The following WASHC2A variants were observed in gnomAD, a reference collection of about 807,000 sequenced individuals.
The protein encoded by WASHC2A is WASH complex subunit 2A.
WASHC2A carries 82 observed loss-of-function variants against 140.3 expected under a neutral mutation model. The ratio of observed to expected loss-of-function variants is 0.58; its 90% CI spans 0.49 to 0.70. WASHC2A has a LOEUF of 0.70. WASHC2A is among the 30% of genes least tolerant of loss of function. The pLI, the probability that WASHC2A is intolerant of heterozygous loss-of-function variation, is 0.00. For missense variants in WASHC2A, 985 were observed against 1,521.8 expected (o/e 0.65, Z 5.87); for synonymous variants, 340 against 560.8 (o/e 0.61, Z 5.56).
intron 16 of WASHC2A, 60 bp downstream of exon 16, chr10:50,097,862 C>A (rs1256267278): frequency 5.0e-6 from 8 of 1,610,960 alleles, no homozygotes; most frequent in Non-Finnish European, 5.9e-6. Flanking sequence ...AATAATTCAT[C>A]CTGAACCCAG....
intron 13 of WASHC2A, among the ~76,000 whole-genome samples, chr10:50,094,712 C>T (rs1840287281): frequency 6.6e-6 from 1 of 151,368 alleles, no homozygotes; most frequent in Non-Finnish European, 1.5e-5. Flanking sequence ...GCTTGGTTTC[C>T]CCCTTTGCTC....
At chr10:50,095,057 C>T (rs1343921981) in intron 13 of WASHC2A, 91 bp from the exon 14 acceptor site, 2 of 1,601,694 alleles carry the variant, frequency 1.2e-6, no homozygotes, top group African/African-American at 2.7e-5. Flanking sequence ...CTGATACTAG[C>T]TGTGTTTTAC....
intron 19 of WASHC2A, among the ~76,000 whole-genome samples, chr10:50,107,647 C>T (rs1194989892): frequency 6.6e-6 from 1 of 151,956 alleles, no homozygotes; most frequent in East Asian, 1.9e-4. Flanking sequence ...TGCGGCCGGG[C>T]GTGGTGGCTC....
rs547907901 is a variant in WASHC2A, at chr10:50,072,103, G to A, written c.291+2392G>A. Among the ~76,000 whole-genome samples, 472 of 142,872 alleles carry A rather than the reference G, an allele frequency of 3.3e-3. 3 individuals carry two copies. The highest frequency in any genetic ancestry group is 0.012 in the African/African-American group (449 of 37,994). The allele number at this position is 142,872 out of a possible 152,430, so 93.7% of individuals were successfully genotyped here. Reference sequence around the variant, plus strand: ...TTTTTTCTATTTTTAGTAGAGATGGGGTTTCACCATGTTGGTGAGTCTGCT... The same window carrying A: ...TTTTTTCTATTTTTAGTAGAGATGGAGTTTCACCATGTTGGTGAGTCTGCT... On this transcript the variant is annotated intron_variant, in intron 3 of 30. Coordinates refer to ENST00000282633, the MANE Select transcript of WASHC2A (RefSeq NM_001005751.3).
intron 28 of WASHC2A, 48 bp downstream of exon 28, chr10:50,127,843 A>G (rs1227369005): frequency 0.32 from 265,888 of 825,770 alleles, 44,012 homozygotes; most frequent in Admixed American, 0.45. Flanking sequence ...TAACCAGAAC[A>G]TGCATATGCT....
intron 3 of WASHC2A, among the ~76,000 whole-genome samples, chr10:50,073,167 T>C (rs1210461658): frequency 3.9e-5 from 6 of 152,204 alleles, no homozygotes; most frequent in African/African-American, 4.8e-5. Context: ...AATTTAGGAA[T>C]TGGATCCTGA....
chr10:50,106,555 A>G (rs1473268842), intron 19 of WASHC2A, 90 bp downstream of exon 19: 29 of 1,554,314 alleles, frequency 1.9e-5, no homozygotes, highest in Non-Finnish European at 2.2e-5. Flanking sequence ...CCTGTTTTAT[A>G]TCTCGTGATG....
Position 50,091,591 on chromosome 10 carries a change from G to A in WASHC2A, c.931+73G>A, listed in dbSNP as rs1418500121. 403 of 1,493,852 alleles carry A rather than the reference G, an allele frequency of 2.7e-4. 2 individuals carry two copies. In the East Asian group the frequency reaches 5.4e-3, roughly 20 times the overall value. The allele number at this position is 1,493,852 out of a possible 1,614,324, so 92.5% of individuals were successfully genotyped here. A position where few individuals can be genotyped will look rare whatever the true frequency, so the allele number is the denominator to read the frequency against. ...GCCCTCTGCTGGCTTCACCAAAGGC[G>A]GATTTCTCTTTTTATTAGTAATTAC... is the stretch of plus-strand genomic sequence containing the variant. On this transcript the variant is annotated intron_variant, in intron 10 of 30. Coordinates refer to ENST00000282633, the MANE Select transcript of WASHC2A (RefSeq NM_001005751.3).
At chr10:50,077,100 G>A (rs1203969320) in intron 3 of WASHC2A, among the ~76,000 whole-genome samples, 3 of 135,146 alleles carry the variant, frequency 2.2e-5, no homozygotes, top group Non-Finnish European at 4.8e-5. Context: ...CTTGGCAACA[G>A]AGTGAGACTC....
At chr10:50,111,968 C>T (rs1239963396) in intron 20 of WASHC2A, among the ~76,000 whole-genome samples, 2 of 152,062 alleles carry the variant, frequency 1.3e-5, no homozygotes, top group African/African-American at 2.4e-5. Context: ...GCAGAGGTTA[C>T]AGTGAGCCAA....
At chr10:50,090,664 GATT>G in intron 8 of WASHC2A, 109 bp from the exon 9 acceptor site, 1 of 932,400 alleles carries the variant, frequency 1.1e-6, no homozygotes, top group African/African-American at 1.7e-5. Context: ...TCATGTTTAT[GATT>G]ATTATTTTAA....
At chr10:50,081,913 A>G (rs1442217665) in intron 5 of WASHC2A, among the ~76,000 whole-genome samples, 3 of 152,120 alleles carry the variant, frequency 2.0e-5, no homozygotes, top group Non-Finnish European at 2.9e-5. Flanking sequence ...GATTACAGAC[A>G]TGAGCCACCG....
At chr10:50,089,725 C>G (rs1230243912) in intron 8 of WASHC2A, among the ~76,000 whole-genome samples, 2 of 152,218 alleles carry the variant, frequency 1.3e-5, no homozygotes, top group African/African-American at 4.8e-5. Context: ...CTAGTCGTTA[C>G]AGCTTTTACC....
rs565369598 is a variant in WASHC2A, at chr10:50,133,005, G to A, written c.*60G>A. On this transcript the variant is annotated 3_prime_UTR_variant, in exon 31 of 31. Coordinates refer to ENST00000282633, the MANE Select transcript of WASHC2A (RefSeq NM_001005751.3). Reference sequence around the variant, plus strand: ...ACATTGTTGAGTTAGTGATGATGTTGTATATGCTGATGGTCTTAACTGGAT... The same window carrying A: ...ACATTGTTGAGTTAGTGATGATGTTATATATGCTGATGGTCTTAACTGGAT... 1.6e-3 allele frequency: 2,533 copies of A among 1,611,588 alleles called. 31 individuals are homozygous for A. In the African/African-American group the frequency reaches 0.031, roughly 20 times the overall value.
At chr10:50,132,717 C>G (rs1844089240) in intron 30 of WASHC2A, 89 bp from the exon 31 acceptor site, 3 of 1,611,130 alleles carry the variant, frequency 1.9e-6, no homozygotes, top group Non-Finnish European at 2.5e-6. Context: ...GTTACCAGAG[C>G]TGGGTCTTTG....
chr10:50,068,664 A>G (rs12355153), intron 2 of WASHC2A, among the ~76,000 whole-genome samples: 48,226 of 147,000 alleles, frequency 0.33, 9,744 homozygotes, highest in Non-Finnish European at 0.44. Flanking sequence ...TTTGAATAAG[A>G]GTGGTGGTTG....
In WASHC2A at chr10:50,129,849, C is replaced by T; in HGVS notation, c.3518C>T (p.Pro1173Leu). The change falls in exon 29 of 31, where the codon CCT (proline) becomes CTT (leucine). Residue 1173 changes from proline to leucine, a missense_variant. Transcript: ENST00000282633. ...GGTAAAGCAAAGAGCCCCATGTTTCCTGCTCTAGGTGAGGCCAGCAGTGAT... is the reference window on the plus strand; with the variant it reads ...GGTAAAGCAAAGAGCCCCATGTTTCTTGCTCTAGGTGAGGCCAGCAGTGAT... Reference protein sequence around the residue: ...VGGKAKSPMFPALGEASSDDD... With the variant: ...VGGKAKSPMFLALGEASSDDD... The T allele has an allele frequency of 2.5e-6, 4 of 1,612,070 alleles. No homozygotes were observed. In the South Asian group the frequency reaches 4.4e-5, roughly 18 times the overall value.
rs1448010445 is a variant in WASHC2A, at chr10:50,101,766, C to T, written c.1635+1702C>T. On this transcript the variant is annotated intron_variant, in intron 17 of 30. Transcript: ENST00000282633. ...AGTTCGAGAGGTTGACTGGGCTTAGCTAGGCCATTGTCACTGAGGGTCTCT... is the reference window on the plus strand; with the variant it reads ...AGTTCGAGAGGTTGACTGGGCTTAGTTAGGCCATTGTCACTGAGGGTCTCT... Among the ~76,000 whole-genome samples the T allele has an allele frequency of 2.6e-4, 39 of 151,358 alleles. No homozygotes were observed. The Admixed American group carries it at 2.6e-3, about 10-fold the overall frequency.
At position 50,129,524 on chromosome 10, in the gene WASHC2A, C is replaced by G; in HGVS notation, c.3193C>G (p.Pro1065Ala). Reference protein sequence around the residue: ...ETEDMSVPRGPIAQWADGAIS... With the variant: ...ETEDMSVPRGAIAQWADGAIS... The stretch of plus-strand genomic sequence containing the variant: ...TGAGGACATGAGCGTCCCCAGAGGA[C>G]CCATTGCACAGTGGGCTGATGGCGC... Residue 1065 changes from proline to alanine, a missense_variant, in exon 29 of 31, where the codon CCC (proline) becomes GCC (alanine). Coordinates refer to ENST00000282633, the MANE Select transcript of WASHC2A (RefSeq NM_001005751.3). The G allele has an allele frequency of 1.2e-6, 2 of 1,611,994 alleles. No individual in the cohort carries two copies. Among genetic ancestry groups the G allele is most frequent in the Non-Finnish European group, 1.7e-6 (2 of 1,179,856 alleles).
Sources: allele counts gnomAD v4.1 joint callset (sites outside exome capture counted in the v4.1 genomes callset), GRCh38; gene constraint gnomAD v4.1.1; transcripts MANE v1.5; gene names NCBI Gene and HGNC (gene_info 2026-07-23, HGNC 2026-07-21).